Variants in MPP4 observed in about 807,000 individuals in gnomAD.
MPP4 encodes the protein MAGUK p55 scaffold protein 4.
Under a neutral mutation model 98.3 loss-of-function variants are expected in MPP4, and 91 were observed. The observed-to-expected ratio is 0.93, with a 90% confidence interval of 0.78 to 1.10. The LOEUF (loss-of-function observed/expected upper bound fraction) is 1.10, where lower values mean the gene tolerates loss of function less well. Among genes scored for constraint, MPP4 ranks in the 50% least tolerant of loss-of-function variants. The pLI is 0.00. For synonymous variants in MPP4, 261 were observed against 271.8 expected, an observed-to-expected ratio of 0.96 and a Z score of 0.39; for missense variants, 744 against 792.9, an observed-to-expected ratio of 0.94 and a Z score of 0.74.
At chr2:201,695,966 A>G (rs1452092762) in intron 1 of MPP4, among the ~76,000 whole-genome samples, 1 of 152,242 alleles carries the variant, frequency 6.6e-6, no homozygotes, top group Non-Finnish European at 1.5e-5. Context: ...AGACTGGAGT[A>G]TTGACTCTGA....
chr2:201,647,713 TAGTC>T lies in MPP4; in HGVS notation c.1693_1696del (p.Asp565ThrfsTer5). On this transcript the variant is annotated frameshift_variant, in exon 21 of 22. Coordinates refer to ENST00000409474, the MANE Select transcript of MPP4 (RefSeq NM_033066.3). LOFTEE classifies it high-confidence loss of function. ...TACCTTGAACTTCATGTCCACATAG[TAGTC>T]AGTAATAACCTTGGCATTTTTCCGA... is the stretch of plus-strand genomic sequence containing the variant. 3.1e-6 allele frequency: 5 copies of T among 1,613,856 alleles called. No individual in the cohort carries two copies. Among genetic ancestry groups the T allele is most frequent in the Non-Finnish European group, 4.2e-6 (5 of 1,179,800 alleles).
intron 16 of MPP4, among the ~76,000 whole-genome samples, chr2:201,657,101 A>C (rs11890273): frequency 0.16 from 24,997 of 152,074 alleles, 2,504 homozygotes; most frequent in African/African-American, 0.28. Flanking sequence ...TGTAAACCGT[A>C]GGGAGAGCAA....
intron 18 of MPP4, chr2:201,651,501 A>T: frequency 1.0e-6 from 1 of 985,452 alleles, no homozygotes; most frequent in Non-Finnish European, 1.2e-6. Context: ...CTGTGAATTG[A>T]TGTATAACTC....
chr2:201,658,968 C>CT (rs1176787438), intron 15 of MPP4, among the ~76,000 whole-genome samples: 4 of 152,182 alleles, frequency 2.6e-5, no homozygotes, highest in African/African-American at 9.6e-5. Context: ...ACGATCTCGG[C>CT]CACTGCAACC....
chr2:201,651,791 TA>T (rs1181762525), intron 18 of MPP4: 1 of 403,314 alleles, frequency 2.5e-6, no homozygotes, highest in Non-Finnish European at 3.3e-6. Context: ...CCATCTCTAC[TA>T]AAAATACAAA....
chr2:201,656,176 G>C (rs768141110), intron 17 of MPP4, 22 bp downstream of exon 17: 1 of 1,576,858 alleles, frequency 6.3e-7, no homozygotes, highest in Non-Finnish European at 8.6e-7. Context: ...GAGGAGGAGA[G>C]ACAGTGCATG....
At chr2:201,686,147 A>C in intron 5 of MPP4, 97 bp from the exon 6 acceptor site, 1 of 1,402,066 alleles carries the variant, frequency 7.1e-7, no homozygotes, top group Non-Finnish European at 9.7e-7. Context: ...CAGCAACAAC[A>C]ACAAACACCA....
At chr2:201,686,182 G>A (rs561716831) in intron 5 of MPP4, 132 bp from the exon 6 acceptor site, 9 of 1,050,906 alleles carry the variant, frequency 8.6e-6, no homozygotes, top group African/African-American at 7.9e-5. Flanking sequence ...GACACAGTGC[G>A]AAGCATTTTA....
At position 201,645,243 on chromosome 2, in the gene MPP4, T is replaced by G; in HGVS notation, c.1881A>C (p.Ala627=). ...ACTCAGTATCTGAGGAAATCCATGTTGCTGGTACCCACTGAGGCTCCTCCT... is the reference window on the plus strand; with the variant it reads ...ACTCAGTATCTGAGGAAATCCATGTGGCTGGTACCCACTGAGGCTCCTCCT... ...KAQEEPQWVP[A]TWISSDTESQ is the part of the protein sequence containing the mutation. The change falls in exon 22 of 22, where the codon GCA becomes GCC. Residue 627 remains alanine, a synonymous_variant. Transcript: ENST00000409474. The G allele has an allele frequency of 6.2e-7, 1 of 1,613,710 alleles. No individual in the cohort carries two copies. The highest frequency in any genetic ancestry group is 8.5e-7 in the Non-Finnish European group (1 of 1,179,714).
intron 1 of MPP4, among the ~76,000 whole-genome samples, chr2:201,697,452 C>CA (rs1476015615): frequency 6.6e-6 from 1 of 152,194 alleles, no homozygotes; most frequent in Non-Finnish European, 1.5e-5. Flanking sequence ...GTCATGTCTG[C>CA]AGAGGGCCTG....
intron 14 of MPP4, chr2:201,662,084 T>C (rs930591993): frequency 7.8e-6 from 3 of 383,088 alleles, no homozygotes; most frequent in African/African-American, 2.1e-5. Flanking sequence ...CAATGCTTTC[T>C]TTTTTTATAA....
At chr2:201,664,449 C>G (rs1688111411) in intron 13 of MPP4, 1 of 1,060,910 alleles carries the variant, frequency 9.4e-7, no homozygotes, top group Non-Finnish European at 1.3e-6. Flanking sequence ...GGATACTGCT[C>G]GGCTTTGCTG....
At chr2:201,665,482 T>A (rs1302417623) in intron 13 of MPP4, 1 of 152,206 alleles carries the variant, frequency 6.6e-6, no homozygotes, top group Non-Finnish European at 1.5e-5. Context: ...AGAGAGGAAC[T>A]TCTTACTGAA....
chr2:201,647,829 C>T lies in MPP4; in HGVS notation c.1585-4G>A. ...GGGTTCGAACCCCTTGAATATCCTA[C>T]ACAGAAAATTTAAATGCACATTTAT... On this transcript the variant is annotated splice_region_variant and splice_polypyrimidine_tract_variant and intron_variant, in intron 20 of 21. Transcript: ENST00000409474. 1.2e-6 allele frequency: 2 copies of T among 1,604,736 alleles called. No homozygotes were observed. The highest frequency in any genetic ancestry group is 1.7e-6 in the Non-Finnish European group (2 of 1,173,954).
At chr2:201,692,100 C>A (rs548529688) in intron 3 of MPP4, among the ~76,000 whole-genome samples, 1 of 152,092 alleles carries the variant, frequency 6.6e-6, no homozygotes, top group African/African-American at 2.4e-5. Flanking sequence ...CCTTCCTAAG[C>A]GAAGAAGTTT....
intron 7 of MPP4, among the ~76,000 whole-genome samples, chr2:201,683,764 A>AT (rs1394278838): frequency 1.3e-5 from 2 of 151,820 alleles, no homozygotes; most frequent in African/African-American, 4.8e-5. Context: ...AAAAAAAAAA[A>AT]GAAAAGAAAA....
intron 13 of MPP4, 145 bp from the exon 14 acceptor site, chr2:201,664,246 C>T: frequency 4.7e-6 from 7 of 1,487,510 alleles, no homozygotes; most frequent in South Asian, 2.4e-5. Flanking sequence ...AAGGTCGAAT[C>T]GATGGTGTCT....
At chr2:201,696,630 AC>A (rs1302052236) in intron 1 of MPP4, among the ~76,000 whole-genome samples, 1 of 152,216 alleles carries the variant, frequency 6.6e-6, no homozygotes, top group Non-Finnish European at 1.5e-5. Flanking sequence ...TTGGGGGCAC[AC>A]ACTAGAGACT....
chr2:201,678,428 A>G (rs1688575879), intron 10 of MPP4, among the ~76,000 whole-genome samples: 1 of 152,044 alleles, frequency 6.6e-6, no homozygotes. Flanking sequence ...CTCTTCTTTG[A>G]GCCCTTTCTT....
Sources: gnomAD v4.1 joint callset for allele counts (sites outside exome capture counted in the v4.1 genomes callset) on GRCh38, gnomAD v4.1.1 for gene constraint, MANE v1.5 for transcripts, NCBI Gene and HGNC (gene_info 2026-07-23, HGNC 2026-07-21) for gene names.